The following CDH13 variants were observed in gnomAD, a reference collection of about 807,000 sequenced individuals.
CDH13 encodes cadherin 13.
A neutral mutation model predicts 63.8 loss-of-function variants in CDH13; 24 were observed. The ratio of observed to expected loss-of-function variants is 0.38; its 90% CI spans 0.27 to 0.53. The LOEUF is 0.53. Ranked by LOEUF, CDH13 falls within the 20% of genes least tolerant of loss-of-function variation. CDH13 has a pLI of 0.85. For synonymous variants in CDH13, 503 were observed against 355.3 expected (o/e 1.42, Z -4.67); for missense variants, 1,049 against 903.1 (o/e 1.16, Z -2.07).
chr16:82,648,704 C>G (rs969175040), intron 1 of CDH13, among the ~76,000 whole-genome samples: 1 of 152,124 alleles, frequency 6.6e-6, no homozygotes, highest in Admixed American at 6.5e-5. Flanking sequence ...TTACAAGTCT[C>G]CATTGATACA....
At chr16:83,703,305 A>T (rs1241849180) in intron 10 of CDH13, among the ~76,000 whole-genome samples, 1 of 152,254 alleles carries the variant, frequency 6.6e-6, no homozygotes, top group Non-Finnish European at 1.5e-5. Flanking sequence ...AAAAATGTAT[A>T]CACTCAGGAA....
intron 6 of CDH13, chr16:83,383,267 C>G (rs554279896): frequency 1.3e-5 from 2 of 152,196 alleles, no homozygotes; most frequent in African/African-American, 4.8e-5. Flanking sequence ...CACACACAAC[C>G]AACCCTGCCC....
intron 6 of CDH13, among the ~76,000 whole-genome samples, chr16:83,370,869 C>T (rs1193594484): frequency 1.3e-5 from 2 of 152,286 alleles, no homozygotes; most frequent in South Asian, 2.1e-4. Context: ...ATCCAGTCTA[C>T]TGTTGATGGG....
chr16:83,003,775 A>G (rs984680806), intron 2 of CDH13, among the ~76,000 whole-genome samples: 1 of 152,242 alleles, frequency 6.6e-6, no homozygotes, highest in Non-Finnish European at 1.5e-5. Context: ...GTTCCTTAGA[A>G]TGTTTGCTGG....
At chr16:83,494,246 G>A (rs185921310) in intron 7 of CDH13, among the ~76,000 whole-genome samples, 12 of 152,134 alleles carry the variant, frequency 7.9e-5, no homozygotes, top group Admixed American at 6.5e-4. Context: ...TATTTTATAT[G>A]AAGTACCCTA....
intron 6 of CDH13, among the ~76,000 whole-genome samples, chr16:83,417,682 A>G (rs887210235): frequency 6.6e-6 from 1 of 152,212 alleles, no homozygotes; most frequent in Non-Finnish European, 1.5e-5. Context: ...ACAGCCAGTG[A>G]TTTAGAACAG....
At chr16:83,625,351 G>A (rs1001602245) in intron 8 of CDH13, among the ~76,000 whole-genome samples, 9 of 152,088 alleles carry the variant, frequency 5.9e-5, no homozygotes, top group African/African-American at 2.2e-4. Context: ...CCAAAGCTCC[G>A]CATGTACCCT....
At chr16:82,866,800 AG>A (rs1347562794) in intron 2 of CDH13, among the ~76,000 whole-genome samples, 3 of 152,138 alleles carry the variant, frequency 2.0e-5, no homozygotes, top group African/African-American at 7.2e-5. Flanking sequence ...TGCCGAGATA[AG>A]GGGGAAGAGC....
intron 6 of CDH13, among the ~76,000 whole-genome samples, chr16:83,460,407 C>G (rs181242638): frequency 1.3e-5 from 2 of 152,318 alleles, no homozygotes; most frequent in Non-Finnish European, 2.9e-5. Context: ...ATTTATGCCC[C>G]TGGGCACAGA....
chr16:83,286,705 A>G (rs765890468), intron 5 of CDH13, among the ~76,000 whole-genome samples: 1 of 151,340 alleles, frequency 6.6e-6, no homozygotes, highest in Non-Finnish European at 1.5e-5. Context: ...GCAGTGAACC[A>G]AGATGGTACT....
At chr16:83,118,333 A>G (rs1191659603) in intron 3 of CDH13, among the ~76,000 whole-genome samples, 2 of 152,172 alleles carry the variant, frequency 1.3e-5, no homozygotes, top group African/African-American at 4.8e-5. Flanking sequence ...CAGCTGATGC[A>G]TGTCTGTTGC....
chr16:83,612,934 AT>A (rs1033643025), intron 8 of CDH13, among the ~76,000 whole-genome samples: 2 of 152,122 alleles, frequency 1.3e-5, no homozygotes, highest in Non-Finnish European at 2.9e-5. Flanking sequence ...ACATGGAAGA[AT>A]TTTCCCCTCT....
intron 2 of CDH13, among the ~76,000 whole-genome samples, chr16:82,935,614 G>C (rs1007335741): frequency 2.0e-5 from 3 of 152,172 alleles, no homozygotes; most frequent in African/African-American, 7.2e-5. Flanking sequence ...TCGAACTTGA[G>C]TGTATATCAG....
chr16:83,545,905 G>A (rs1017332358), intron 7 of CDH13, among the ~76,000 whole-genome samples: 2 of 152,072 alleles, frequency 1.3e-5, no homozygotes, highest in Non-Finnish European at 2.9e-5. Context: ...TTCATTCAAT[G>A]ACAACTATCT....
chr16:82,682,752 G>A (rs1914678443), intron 1 of CDH13, among the ~76,000 whole-genome samples: 4 of 152,302 alleles, frequency 2.6e-5, no homozygotes, highest in Admixed American at 2.6e-4. Context: ...AAACGGATGT[G>A]CTTGCTTCTG....
chr16:83,107,314 TTGGTGGTGGTTG>T (rs2034818267), intron 3 of CDH13, among the ~76,000 whole-genome samples: 2 of 101,366 alleles, frequency 2.0e-5, no homozygotes, highest in East Asian at 4.4e-4. Context: ...TTCGTTGGGG[TTGGTGGTGGTTG>T]TGGTGGTGGT....
At chr16:83,379,401 G>T (rs543299456) in intron 6 of CDH13, among the ~76,000 whole-genome samples, 1 of 152,260 alleles carries the variant, frequency 6.6e-6, no homozygotes, top group East Asian at 1.9e-4. Flanking sequence ...GTGGAGAGAC[G>T]GATGAGTGGA....
At chr16:82,788,351 T>C (rs1410716312) in intron 1 of CDH13, among the ~76,000 whole-genome samples, 1 of 152,202 alleles carries the variant, frequency 6.6e-6, no homozygotes, top group African/African-American at 2.4e-5. Flanking sequence ...GCCCAGGAGA[T>C]GGCTGAGTCC....
chr16:83,543,073 T>C (rs2075323090), intron 7 of CDH13, among the ~76,000 whole-genome samples: 1 of 152,228 alleles, frequency 6.6e-6, no homozygotes, highest in African/African-American at 2.4e-5. Flanking sequence ...ATTCCTTTCT[T>C]TCAGTACATC....
Sources: gnomAD v4.1 joint callset for allele counts (sites outside exome capture counted in the v4.1 genomes callset) on GRCh38, gnomAD v4.1.1 for gene constraint, MANE v1.5 for transcripts, NCBI Gene and HGNC (gene_info 2026-07-23, HGNC 2026-07-21) for gene names.